The following CADPS variants were observed in gnomAD, a reference collection of about 807,000 sequenced individuals.
The protein encoded by CADPS is calcium dependent secretion activator, also known as calcium-dependent secretion activator 1.
CADPS carries 57 observed loss-of-function variants against 167.3 expected under a neutral mutation model. That is an observed-to-expected ratio of 0.34 (90% CI 0.28 to 0.42). The LOEUF (loss-of-function observed/expected upper bound fraction) is 0.42, where lower values mean the gene tolerates loss of function less well. Among genes scored for constraint, CADPS ranks in the 20% least tolerant of loss-of-function variants. The pLI, the probability that CADPS is intolerant of heterozygous loss-of-function variation, is 1.00. For synonymous variants in CADPS, 676 were observed against 635.3 expected (o/e 1.06, Z -0.96); for missense variants, 1,414 against 1,738.1 (o/e 0.81, Z 3.32).
chr3:62,706,974 T>C (rs2082423078), intron 3 of CADPS, among the ~76,000 whole-genome samples: 1 of 152,106 alleles, frequency 6.6e-6, no homozygotes, highest in Admixed American at 6.6e-5. Context: ...AAAACTGCAT[T>C]TCTACCCCTT....
intron 1 of CADPS, among the ~76,000 whole-genome samples, chr3:62,849,226 A>G (rs565019773): frequency 0.15 from 20,960 of 137,030 alleles, 1,967 homozygotes; most frequent in Middle Eastern, 0.29. Flanking sequence ...CTGCAAACAG[A>G]GACAATTTGA....
chr3:62,671,926 C>G (rs2075587314), intron 3 of CADPS, among the ~76,000 whole-genome samples: 1 of 152,000 alleles, frequency 6.6e-6, no homozygotes, highest in Non-Finnish European at 1.5e-5. Context: ...CCACGCCTGA[C>G]TAATTTTTTA....
intron 6 of CADPS, among the ~76,000 whole-genome samples, chr3:62,622,483 G>C (rs1273499521): frequency 6.6e-6 from 1 of 152,098 alleles, no homozygotes; most frequent in Non-Finnish European, 1.5e-5. Flanking sequence ...GCAATTGTAG[G>C]CTTTCCAATT....
At chr3:62,813,658 A>G (rs965905568) in intron 1 of CADPS, among the ~76,000 whole-genome samples, 16 of 152,094 alleles carry the variant, frequency 1.1e-4, no homozygotes, top group Non-Finnish European at 1.8e-4. Flanking sequence ...AAAGAAAACT[A>G]TCAACAAACA....
chr3:62,671,848 C>T (rs1363089612), intron 3 of CADPS, among the ~76,000 whole-genome samples: 1 of 152,144 alleles, frequency 6.6e-6, no homozygotes, highest in Admixed American at 6.5e-5. Flanking sequence ...CTGCAACCTC[C>T]ACCTCCCAAG....
At chr3:62,698,860 C>T in intron 3 of CADPS, among the ~76,000 whole-genome samples, 1 of 150,970 alleles carries the variant, frequency 6.6e-6, no homozygotes, top group Non-Finnish European at 1.5e-5. Context: ...CTGCCTCAGC[C>T]TCCCATGTAG....
intron 6 of CADPS, among the ~76,000 whole-genome samples, chr3:62,598,245 C>G (rs930010433): frequency 6.6e-6 from 1 of 152,162 alleles, no homozygotes; most frequent in African/African-American, 2.4e-5. Context: ...CAAGCTGGCT[C>G]TGATCCAATG....
At chr3:62,727,723 T>C (rs201307983) in intron 3 of CADPS, among the ~76,000 whole-genome samples, 1 of 151,588 alleles carries the variant, frequency 6.6e-6, no homozygotes, top group African/African-American at 2.4e-5. Flanking sequence ...GGGACAGAAC[T>C]ACCATTCACT....
At chr3:62,729,372 T>G (rs1415405446) in intron 3 of CADPS, among the ~76,000 whole-genome samples, 1 of 151,882 alleles carries the variant, frequency 6.6e-6, no homozygotes, top group Non-Finnish European at 1.5e-5. Context: ...GCAAATGCCC[T>G]TAACTGAAAC....
intron 8 of CADPS, among the ~76,000 whole-genome samples, chr3:62,582,365 G>A (rs987886322): frequency 1.3e-5 from 2 of 152,166 alleles, no homozygotes; most frequent in Non-Finnish European, 2.9e-5. Context: ...AGGATGGCTT[G>A]AGCCTGGGAG....
chr3:62,570,577 C>T (rs2081101465), intron 9 of CADPS, among the ~76,000 whole-genome samples: 1 of 152,106 alleles, frequency 6.6e-6, no homozygotes, highest in African/African-American at 2.4e-5. Context: ...GTCTACTCTC[C>T]CCGACTTATC....
At chr3:62,846,985 T>G (rs2077557060) in intron 1 of CADPS, among the ~76,000 whole-genome samples, 1 of 152,178 alleles carries the variant, frequency 6.6e-6, no homozygotes, top group South Asian at 2.1e-4. Context: ...GTCTTTTAGT[T>G]AGTATTAAAA....
Position 62,465,468 on chromosome 3 carries a change from A to G in CADPS, c.3553-18T>C. On this transcript the variant is annotated intron_variant, in intron 25 of 29. Coordinates refer to ENST00000383710, the MANE Select transcript of CADPS (RefSeq NM_003716.4). The surrounding 1 kb of genome is among the most constrained non-coding windows in gnomAD (Gnocchi z 4.1). ...GTAACGAACTAGAAAAACAGCAAAA[A>G]AGAAAAAAATGTTATTTCAAACTAT... 2 of 1,556,830 alleles carry G rather than the reference A, an allele frequency of 1.3e-6. No individual in the cohort carries two copies. The highest frequency in any genetic ancestry group is 1.8e-6 in the Non-Finnish European group (2 of 1,136,218).
At chr3:62,476,291 G>C (rs1460268755) in intron 23 of CADPS, among the ~76,000 whole-genome samples, 1 of 152,140 alleles carries the variant, frequency 6.6e-6, no homozygotes, top group Non-Finnish European at 1.5e-5. Flanking sequence ...ACGGTTCTAG[G>C]CTCTTCTAAT....
intron 10 of CADPS, among the ~76,000 whole-genome samples, chr3:62,551,276 A>G (rs2077278454): frequency 1.3e-5 from 2 of 152,114 alleles, no homozygotes; most frequent in African/African-American, 4.8e-5. Context: ...TCAAGTCCCC[A>G]GTCTTGGGGT....
intron 8 of CADPS, among the ~76,000 whole-genome samples, chr3:62,578,983 G>T (rs150260906): frequency 6.6e-6 from 1 of 152,270 alleles, no homozygotes; most frequent in East Asian, 1.9e-4. Context: ...AGAAAAAGAG[G>T]TCTAGAACAG....
At chr3:62,558,812 G>C (rs148267576) in intron 9 of CADPS, among the ~76,000 whole-genome samples, 2 of 152,328 alleles carry the variant, frequency 1.3e-5, no homozygotes, top group African/African-American at 4.8e-5. Flanking sequence ...TATAGGGTTT[G>C]CAGAACTTCT....
intron 6 of CADPS, among the ~76,000 whole-genome samples, chr3:62,621,712 T>C (rs2063196725): frequency 6.6e-6 from 1 of 151,998 alleles, no homozygotes; most frequent in Non-Finnish European, 1.5e-5. Context: ...TACCCTTTAG[T>C]TATTTTTTCT....
At chr3:62,614,642 C>G (rs1578845910) in intron 6 of CADPS, among the ~76,000 whole-genome samples, 1 of 152,250 alleles carries the variant, frequency 6.6e-6, no homozygotes, top group African/African-American at 2.4e-5. Context: ...GTGTCTTTGG[C>G]AGGGGAGTGA....
Sources: gnomAD v4.1 joint callset for allele counts (sites outside exome capture counted in the v4.1 genomes callset) on GRCh38, gnomAD v4.1.1 for gene constraint, Gnocchi (gnomAD v3.1) non-coding constraint, MANE v1.5 for transcripts, NCBI Gene and HGNC (gene_info 2026-07-23, HGNC 2026-07-21) for gene names.